IFNLR1: variants seen among roughly 807,000 people sequenced by gnomAD.
The protein encoded by IFNLR1 is interferon lambda receptor 1.
Under a neutral mutation model 52.5 loss-of-function variants are expected in IFNLR1, and 28 were observed. The ratio of observed to expected loss-of-function variants is 0.53; its 90% CI spans 0.40 to 0.73. The LOEUF is 0.73. Ranked by LOEUF, IFNLR1 falls within the 30% of genes least tolerant of loss-of-function variation. The pLI is 0.00. For missense variants in IFNLR1, 623 were observed against 659.1 expected, an observed-to-expected ratio of 0.95 and a Z score of 0.60; for synonymous variants, 276 against 274.9, an observed-to-expected ratio of 1.00 and a Z score of -0.04.
At chr1:24,177,554 T>G (rs1644645451) in intron 2 of IFNLR1, among the ~76,000 whole-genome samples, 1 of 152,190 alleles carries the variant, frequency 6.6e-6, no homozygotes, top group African/African-American at 2.4e-5. Flanking sequence ...GCCACCTGCT[T>G]TCCAGCCAGC....
chr1:24,157,260 C>G lies in IFNLR1; in HGVS notation c.1433G>C (p.Ser478Thr). The G allele has an allele frequency of 6.2e-7, 1 of 1,614,190 alleles. No homozygotes were observed. Among genetic ancestry groups the G allele is most frequent in the Non-Finnish European group, 8.5e-7 (1 of 1,180,038 alleles). Reference protein sequence around the residue: ...SLQTLTFCWESSPEEEEEARE... With the variant: ...SLQTLTFCWETSPEEEEEARE... ...CGCCTCCTCTTCCTCCTCAGGGCTG[C>G]TTTCCCAGCAGAAGGTCAGTGTCTG... The change falls in exon 7 of 7, where the codon AGC becomes ACC. Residue 478 changes from serine (S) to threonine (T), a missense_variant. Physicochemically the swap from Ser to Thr is moderately conservative, Grantham distance 58. Transcript: ENST00000327535. This position sits in a 1 kb window ranked among gnomAD's most constrained non-coding sequence, Gnocchi z 5.1.
At position 24,157,485 on chromosome 1, in the gene IFNLR1, G is replaced by A; in HGVS notation, c.1208C>T (p.Ser403Phe). Reference protein sequence around the residue: ...TVDSSWDRAGSSGYLAEKGPG... With the variant: ...TVDSSWDRAGFSGYLAEKGPG... The stretch of plus-strand genomic sequence containing the variant: ...CCCCTTCTCAGCCAAATAGCCAGAG[G>A]ACCCAGCCCTGTCCCAGGAGGAGTC... Residue 403 changes from serine to phenylalanine, a missense_variant, in exon 7 of 7, where the codon TCC (serine) becomes TTC (phenylalanine). Transcript: ENST00000327535. This position sits in a 1 kb window ranked among gnomAD's most constrained non-coding sequence, Gnocchi z 5.1. 1.2e-6 allele frequency: 2 copies of A among 1,613,414 alleles called. 1 individual carries two copies. Among genetic ancestry groups the A allele is most frequent in the South Asian group, 2.2e-5 (2 of 91,000 alleles).
chr1:24,164,076 CT>C (rs2148591137), intron 3 of IFNLR1, among the ~76,000 whole-genome samples: 1 of 152,290 alleles, frequency 6.6e-6, no homozygotes, highest in Admixed American at 6.5e-5. Context: ...CTAAAGTTTT[CT>C]GCTCCCAACA....
intron 1 of IFNLR1, among the ~76,000 whole-genome samples, chr1:24,183,057 A>G (rs1644707459): frequency 6.6e-6 from 1 of 152,238 alleles, no homozygotes; most frequent in Non-Finnish European, 1.5e-5. Context: ...TACTGAACGA[A>G]TATATTGATG....
At chr1:24,159,737 G>GTTTTTTTTTTTTGTT in intron 4 of IFNLR1, 104 bp from the exon 5 acceptor site, 2 of 458,750 alleles carry the variant, frequency 4.4e-6, no homozygotes, top group African/African-American at 3.3e-5. Context: ...TTTTTTTTTT[G>GTTTTTTTTTTTTGTT]TTTTTTTTTT....
chr1:24,180,689 C>T, intron 2 of IFNLR1, 42 bp downstream of exon 2: 10 of 1,392,770 alleles, frequency 7.2e-6, no homozygotes, highest in Non-Finnish European at 8.9e-6. Flanking sequence ...CCCACCCACC[C>T]CCTCAGTCTT....
chr1:24,167,223 C>T (rs1353170981), intron 3 of IFNLR1, among the ~76,000 whole-genome samples: 6 of 152,118 alleles, frequency 3.9e-5, no homozygotes, highest in African/African-American at 7.2e-5. Context: ...CCTGTGGCCT[C>T]CGACTGGGGG....
Position 24,159,469 on chromosome 1 carries a change from C to A in IFNLR1, c.670+5G>T. The A allele has an allele frequency of 6.2e-7, 1 of 1,613,706 alleles. No homozygotes were observed. The highest frequency in any genetic ancestry group is 1.3e-5 in the African/African-American group (1 of 75,018). Reference sequence around the variant, plus strand: ...GTTTCTCTTTCTGCACCACTTGATACCCACCTGGGACCTCCAGCAAGAAGC... The same window carrying A: ...GTTTCTCTTTCTGCACCACTTGATAACCACCTGGGACCTCCAGCAAGAAGC... On this transcript the variant is annotated splice_donor_5th_base_variant and intron_variant, in intron 5 of 6. Coordinates refer to ENST00000327535, the MANE Select transcript of IFNLR1 (RefSeq NM_170743.4).
chr1:24,171,567 C>T (rs1232750081), intron 2 of IFNLR1, among the ~76,000 whole-genome samples: 1 of 152,210 alleles, frequency 6.6e-6, no homozygotes, highest in Non-Finnish European at 1.5e-5. Flanking sequence ...TAGCTCACTG[C>T]AGCCTCTACT....
At chr1:24,176,481 A>T (rs1433377798) in intron 2 of IFNLR1, among the ~76,000 whole-genome samples, 1 of 152,264 alleles carries the variant, frequency 6.6e-6, no homozygotes, top group African/African-American at 2.4e-5. Flanking sequence ...TTTATTCTAT[A>T]TACATTTTAA....
At chr1:24,182,725 G>A (rs892710399) in intron 1 of IFNLR1, among the ~76,000 whole-genome samples, 2 of 152,034 alleles carry the variant, frequency 1.3e-5, no homozygotes, top group African/African-American at 4.8e-5. Context: ...TTCGAGACCA[G>A]CCTGACCAAC....
intron 1 of IFNLR1, among the ~76,000 whole-genome samples, chr1:24,184,322 C>T (rs1644717513): frequency 6.6e-6 from 1 of 152,202 alleles, no homozygotes; most frequent in Admixed American, 6.5e-5. Context: ...CCTCTATTCC[C>T]CTCTGTGGCA....
At chr1:24,161,751 A>G in intron 3 of IFNLR1, 67 bp from the exon 4 acceptor site, 1 of 1,413,374 alleles carries the variant, frequency 7.1e-7, no homozygotes, top group African/African-American at 1.4e-5. Context: ...CCCCAAGACC[A>G]GAGAGCTCTC....
intron 3 of IFNLR1, among the ~76,000 whole-genome samples, chr1:24,164,608 C>T (rs1269064783): frequency 3.3e-5 from 5 of 152,268 alleles, no homozygotes; most frequent in Admixed American, 6.5e-5. Context: ...CTAGAAGTCC[C>T]CTGGTTTGAT....
In IFNLR1 at chr1:24,157,795, T is replaced by C. The variant is rs773933736; in HGVS notation, c.898A>G (p.Arg300Gly). The C allele has an allele frequency of 3.8e-5, 61 of 1,614,036 alleles. No individual in the cohort carries two copies. The highest frequency in any genetic ancestry group is 5.1e-5 in the Non-Finnish European group (60 of 1,180,006). ...ACTCGAGGCGTCGGCCTGACCCCTC[T>C]GGTCAGTTCCTTTTGGGGACAGAGG... Reference protein sequence around the residue: ...LFLCPQKELTRGVRPTPRVRA... With the variant: ...LFLCPQKELTGGVRPTPRVRA... The change falls in exon 7 of 7, where the codon AGA (arginine) becomes GGA (glycine). Residue 300 changes from arginine to glycine, a missense_variant. Coordinates refer to ENST00000327535, the MANE Select transcript of IFNLR1 (RefSeq NM_170743.4). The surrounding 1 kb of genome is among the most constrained non-coding windows in gnomAD (Gnocchi z 5.1).
At chr1:24,165,665 T>C (rs1644511635) in intron 3 of IFNLR1, among the ~76,000 whole-genome samples, 1 of 152,202 alleles carries the variant, frequency 6.6e-6, no homozygotes, top group African/African-American at 2.4e-5. Context: ...CTTCCCTGAT[T>C]CCCAGCCAGC....
At position 24,170,606 on chromosome 1, in the gene IFNLR1, C is replaced by T. The variant is rs569254704; in HGVS notation, c.183-1005G>A. 7.2e-5 allele frequency among the ~76,000 whole-genome samples: 11 copies of T among 152,282 alleles called. No individual in the cohort carries two copies. In the South Asian group the frequency reaches 1.0e-3, roughly 14 times the overall value. Reference sequence around the variant, plus strand: ...AACTCCTGACCTCAGGTGACCCACCCGCTTGGCCTCCCAAAGTGTTGGGAT... The same window carrying T: ...AACTCCTGACCTCAGGTGACCCACCTGCTTGGCCTCCCAAAGTGTTGGGAT... On this transcript the variant is annotated intron_variant, in intron 2 of 6. Coordinates refer to ENST00000327535, the MANE Select transcript of IFNLR1 (RefSeq NM_170743.4).
At chr1:24,163,767 T>C (rs1001665469) in intron 3 of IFNLR1, among the ~76,000 whole-genome samples, 1 of 152,002 alleles carries the variant, frequency 6.6e-6, no homozygotes. Context: ...TTAGTAGAGA[T>C]GGGGTTTCTC....
At chr1:24,177,970 T>C (rs1644651505) in intron 2 of IFNLR1, among the ~76,000 whole-genome samples, 1 of 152,086 alleles carries the variant, frequency 6.6e-6, no homozygotes, top group African/African-American at 2.4e-5. Context: ...TATAACTCAT[T>C]AGGCATTTTA....
Sources: allele counts gnomAD v4.1 joint callset (sites outside exome capture counted in the v4.1 genomes callset), GRCh38; gene constraint gnomAD v4.1.1; non-coding constraint Gnocchi (gnomAD v3.1); transcripts MANE v1.5; gene names NCBI Gene and HGNC (gene_info 2026-07-23, HGNC 2026-07-21).